Variants in NEDD4L observed in about 807,000 individuals in gnomAD.
NEDD4L encodes NEDD4 like E3 ubiquitin protein ligase.
NEDD4L carries 54 observed loss-of-function variants against 148.9 expected under a neutral mutation model. That is an observed-to-expected ratio of 0.36 (90% CI 0.29 to 0.45). The LOEUF (loss-of-function observed/expected upper bound fraction) is 0.45, where lower values mean the gene tolerates loss of function less well. Among genes scored for constraint, NEDD4L ranks in the 20% least tolerant of loss-of-function variants. NEDD4L has a pLI of 1.00. For synonymous variants in NEDD4L, 433 were observed against 440.7 expected (o/e 0.98, Z 0.22); for missense variants, 856 against 1,233.8 (o/e 0.69, Z 4.59).
chr18:58,270,150 T>C (rs971553436), intron 5 of NEDD4L, among the ~76,000 whole-genome samples: 2 of 152,212 alleles, frequency 1.3e-5, no homozygotes, highest in Admixed American at 6.5e-5. Flanking sequence ...ATTAACTGAG[T>C]GCATTTTTGT....
At position 58,224,763 on chromosome 18, in the gene NEDD4L, A is replaced by T. The variant is rs552435935; in HGVS notation, c.123-20664A>T. On this transcript the variant is annotated intron_variant, in intron 2 of 30. Coordinates refer to ENST00000400345, the MANE Select transcript of NEDD4L (RefSeq NM_001144967.3). ...TTCCTAAGTGTCTCTTGTGCTAGACATTGAGGGGCACTCCTTCTCCCTTTC... is the reference window on the plus strand; with the variant it reads ...TTCCTAAGTGTCTCTTGTGCTAGACTTTGAGGGGCACTCCTTCTCCCTTTC... 5.9e-5 allele frequency among the ~76,000 whole-genome samples: 9 copies of T among 152,316 alleles called. No homozygotes were observed. In the East Asian group the frequency reaches 1.7e-3, roughly 29 times the overall value.
At chr18:58,309,034 G>A (rs1382726816) in intron 5 of NEDD4L, among the ~76,000 whole-genome samples, 1 of 152,204 alleles carries the variant, frequency 6.6e-6, no homozygotes, top group East Asian at 1.9e-4. Flanking sequence ...TCTCCAGTCA[G>A]CTCTCCTGCT....
intron 16 of NEDD4L, among the ~76,000 whole-genome samples, chr18:58,343,432 C>G (rs1019063916): frequency 1.8e-4 from 28 of 152,238 alleles, no homozygotes; most frequent in African/African-American, 6.8e-4. Context: ...AAAGTAATCT[C>G]ACTAGGAGTT....
intron 1 of NEDD4L, among the ~76,000 whole-genome samples, chr18:58,164,909 A>T (rs944163347): frequency 6.6e-6 from 1 of 152,208 alleles, no homozygotes; most frequent in African/African-American, 2.4e-5. Context: ...TTTTCCATCC[A>T]ATTGCTTCAT....
chr18:58,245,674 CTTTTTTTTTTTTTT>C (rs57282316), intron 3 of NEDD4L, among the ~76,000 whole-genome samples, 166 bp downstream of exon 3: 3 of 89,260 alleles, frequency 3.4e-5, no homozygotes, highest in Non-Finnish European at 6.4e-5. Context: ...CACTTTTTCT[CTTTTTTTTTTTTTT>C]TTTTTTTTTT....
chr18:58,169,485 A>T (rs531052596), intron 2 of NEDD4L, among the ~76,000 whole-genome samples: 5 of 152,118 alleles, frequency 3.3e-5, no homozygotes, highest in Non-Finnish European at 7.4e-5. Context: ...AGAGACATCC[A>T]GCCTTTATTA....
At chr18:58,369,756 C>T (rs564024996) in intron 22 of NEDD4L, among the ~76,000 whole-genome samples, 2 of 152,154 alleles carry the variant, frequency 1.3e-5, no homozygotes, top group African/African-American at 2.4e-5. Flanking sequence ...ACCTGCAGGA[C>T]GCCTGAATGG....
intron 1 of NEDD4L, among the ~76,000 whole-genome samples, chr18:58,163,170 T>G (rs1246738577): frequency 1.3e-5 from 2 of 152,222 alleles, no homozygotes; most frequent in Non-Finnish European, 2.9e-5. Flanking sequence ...CTTGAGCTCC[T>G]GGACTCAAGT....
intron 5 of NEDD4L, among the ~76,000 whole-genome samples, chr18:58,312,527 G>A (rs1380001499): frequency 1.3e-5 from 2 of 152,192 alleles, no homozygotes; most frequent in Admixed American, 1.3e-4. Flanking sequence ...CCACAGGCAG[G>A]ATCCCACACA....
intron 1 of NEDD4L, among the ~76,000 whole-genome samples, chr18:58,065,033 A>G (rs2082528687): frequency 1.3e-5 from 2 of 152,218 alleles, no homozygotes; most frequent in Admixed American, 1.3e-4. Context: ...CTATCAATAT[A>G]TAGCTCTGGT....
chr18:58,205,395 A>G (rs1206728763), intron 2 of NEDD4L, among the ~76,000 whole-genome samples: 2 of 152,236 alleles, frequency 1.3e-5, no homozygotes, highest in Non-Finnish European at 2.9e-5. Flanking sequence ...TTTAAAAATG[A>G]TGGAAGTTAT....
chr18:58,183,098 C>G (rs941800530), intron 2 of NEDD4L, among the ~76,000 whole-genome samples: 1 of 152,158 alleles, frequency 6.6e-6, no homozygotes, highest in African/African-American at 2.4e-5. Context: ...GAGAATGGCC[C>G]TTATGGCAGA....
chr18:58,090,094 T>G (rs1317500536), intron 1 of NEDD4L, among the ~76,000 whole-genome samples: 1 of 152,170 alleles, frequency 6.6e-6, no homozygotes, highest in Admixed American at 6.5e-5. Context: ...CACCTCGTCC[T>G]CCCAAAGTGC....
chr18:58,173,834 T>C (rs2037789879), intron 2 of NEDD4L, among the ~76,000 whole-genome samples: 1 of 152,232 alleles, frequency 6.6e-6, no homozygotes, highest in South Asian at 2.1e-4. Context: ...CAGCTGACCT[T>C]AAAATGCCTT....
chr18:58,306,740 C>T (rs1359803297), intron 5 of NEDD4L, among the ~76,000 whole-genome samples: 2 of 152,146 alleles, frequency 1.3e-5, no homozygotes, highest in Non-Finnish European at 2.9e-5. Flanking sequence ...ATTCTCCTGC[C>T]TCAGCCTCCC....
At chr18:58,242,891 C>T (rs879338524) in intron 2 of NEDD4L, among the ~76,000 whole-genome samples, 1 of 152,218 alleles carries the variant, frequency 6.6e-6, no homozygotes, top group African/African-American at 2.4e-5. Context: ...GCTGAACTCT[C>T]TTTCAGGGAG....
At chr18:58,197,429 C>G (rs1052116993) in intron 2 of NEDD4L, among the ~76,000 whole-genome samples, 1 of 152,058 alleles carries the variant, frequency 6.6e-6, no homozygotes, top group Non-Finnish European at 1.5e-5. Context: ...CTGAGACACC[C>G]CCGTTTGCTT....
intron 2 of NEDD4L, among the ~76,000 whole-genome samples, chr18:58,167,445 C>T (rs1372997054): frequency 2.0e-5 from 3 of 152,194 alleles, no homozygotes; most frequent in African/African-American, 7.2e-5. Flanking sequence ...CTACCAAAGC[C>T]CACCTTATGC....
intron 5 of NEDD4L, among the ~76,000 whole-genome samples, chr18:58,313,780 C>A (rs2057958521): frequency 2.0e-5 from 3 of 152,196 alleles, no homozygotes; most frequent in African/African-American, 7.2e-5. Flanking sequence ...GGTGTCTGGG[C>A]AAAGCTTTAA....
Sources: allele counts gnomAD v4.1 joint callset (sites outside exome capture counted in the v4.1 genomes callset), GRCh38; gene constraint gnomAD v4.1.1; transcripts MANE v1.5; gene names NCBI Gene and HGNC (gene_info 2026-07-23, HGNC 2026-07-21).